The following GPR39 variants were observed in gnomAD, a reference collection of about 807,000 sequenced individuals.
GPR39 encodes G protein-coupled receptor 39.
In GPR39, 23 loss-of-function variants were observed where a neutral mutation model predicts 18.4. The observed-to-expected ratio is 1.25, with a 90% CI of 0.90 to 1.77. The LOEUF is 1.77. Among genes scored for constraint, GPR39 ranks in the 40% most tolerant of loss-of-function variants. The pLI is 0.00. For synonymous variants in GPR39, 280 were observed against 257.9 expected, an observed-to-expected ratio of 1.09 and a Z score of -0.82; for missense variants, 647 against 602.4, an observed-to-expected ratio of 1.07 and a Z score of -0.78.
chr2:132,565,985 C>A (rs1680343717), intron 1 of GPR39, among the ~76,000 whole-genome samples: 1 of 108,180 alleles, frequency 9.2e-6, no homozygotes, highest in Non-Finnish European at 1.8e-5. Context: ...CACTGACTTC[C>A]ACAATGGTTG....
At chr2:132,544,564 C>G (rs145452665) in intron 1 of GPR39, among the ~76,000 whole-genome samples, 73 of 152,376 alleles carry the variant, frequency 4.8e-4, no homozygotes, top group African/African-American at 1.7e-3. Flanking sequence ...AGGCTTGCTG[C>G]AGGAGGTACT....
chr2:132,521,372 T>C (rs1004792996), intron 1 of GPR39, among the ~76,000 whole-genome samples: 2 of 152,206 alleles, frequency 1.3e-5, no homozygotes, highest in African/African-American at 4.8e-5. Context: ...GAATTTATTT[T>C]TTTCCTGGCA....
At chr2:132,451,174 T>TGTGTGTGTGTGCGC (rs3219552) in intron 1 of GPR39, among the ~76,000 whole-genome samples, 42 of 150,464 alleles carry the variant, frequency 2.8e-4, no homozygotes, top group Admixed American at 7.9e-4. Flanking sequence ...TGTGTGTGTG[T>TGTGTGTGTGTGCGC]GCACGCGCGT....
Position 132,416,977 on chromosome 2 carries a change from A to G in GPR39, c.-66A>G. 8.4e-6 allele frequency: 13 copies of G among 1,553,884 alleles called. No homozygotes were observed. Among genetic ancestry groups the G allele is most frequent in the Non-Finnish European group, 1.1e-5 (13 of 1,150,300 alleles). ...GTGAGTTTGCAGCCAAGAATTTTGG[A>G]CGCTGCTGGGAGGAGAAAGGGAAGT... On this transcript the variant is annotated 5_prime_UTR_variant, in exon 1 of 2. Transcript: ENST00000329321.
intron 1 of GPR39, among the ~76,000 whole-genome samples, chr2:132,509,711 A>C (rs1679205734): frequency 6.6e-6 from 1 of 152,208 alleles, no homozygotes; most frequent in South Asian, 2.1e-4. Context: ...AAGGTCTCAA[A>C]GAGACAAAAG....
intron 1 of GPR39, among the ~76,000 whole-genome samples, chr2:132,501,993 A>C (rs1389844996): frequency 6.6e-6 from 1 of 152,166 alleles, no homozygotes; most frequent in Non-Finnish European, 1.5e-5. Context: ...AATCTCCTGA[A>C]GACAGCAGAA....
At chr2:132,602,656 C>A (rs1573692266) in intron 1 of GPR39, among the ~76,000 whole-genome samples, 1 of 151,720 alleles carries the variant, frequency 6.6e-6, no homozygotes, top group African/African-American at 2.4e-5. Flanking sequence ...AGACTAATAT[C>A]CAGAATCTAC....
At chr2:132,483,830 A>T (rs1214906587) in intron 1 of GPR39, among the ~76,000 whole-genome samples, 2 of 150,450 alleles carry the variant, frequency 1.3e-5, no homozygotes, top group Non-Finnish European at 2.9e-5. Flanking sequence ...GGTCCTACTA[A>T]AAAAAAATGA....
At chr2:132,585,320 T>C (rs149655976) in intron 1 of GPR39, among the ~76,000 whole-genome samples, 28 of 152,224 alleles carry the variant, frequency 1.8e-4, no homozygotes, top group Middle Eastern at 3.4e-3. Flanking sequence ...CCTAAACCCC[T>C]ATTCTAGCTT....
At chr2:132,459,220 G>T (rs1680789428) in intron 1 of GPR39, among the ~76,000 whole-genome samples, 1 of 151,522 alleles carries the variant, frequency 6.6e-6, no homozygotes, top group African/African-American at 2.4e-5. Context: ...ATTTGTGTTT[G>T]TGTCTCTTGT....
intron 1 of GPR39, among the ~76,000 whole-genome samples, chr2:132,448,331 C>G (rs1025359789): frequency 3.3e-5 from 5 of 152,080 alleles, no homozygotes; most frequent in African/African-American, 1.2e-4. Flanking sequence ...ACTTGCTAGC[C>G]AAGCAGGAAG....
At chr2:132,493,310 A>G (rs1275057461) in intron 1 of GPR39, among the ~76,000 whole-genome samples, 3 of 146,376 alleles carry the variant, frequency 2.0e-5, no homozygotes, top group Admixed American at 1.4e-4. Context: ...CCATATATAT[A>G]CCATATATAT....
intron 1 of GPR39, among the ~76,000 whole-genome samples, chr2:132,574,983 T>A (rs1217708144): frequency 1.3e-5 from 2 of 152,232 alleles, no homozygotes; most frequent in Non-Finnish European, 2.9e-5. Flanking sequence ...CCAATTTTTG[T>A]GTATATAGTC....
intron 1 of GPR39, among the ~76,000 whole-genome samples, chr2:132,436,584 T>C (rs3762466): frequency 0.4 from 60,274 of 152,066 alleles, 12,947 homozygotes; most frequent in African/African-American, 0.58. Flanking sequence ...GTCTGTGAGG[T>C]GCTCTCAGCA....
intron 1 of GPR39, among the ~76,000 whole-genome samples, chr2:132,491,806 C>T (rs1316912050): frequency 1.3e-5 from 2 of 151,950 alleles, no homozygotes; most frequent in East Asian, 3.9e-4. Context: ...TGCTGTGTGA[C>T]CTCAGGCAAG....
intron 1 of GPR39, among the ~76,000 whole-genome samples, chr2:132,474,688 G>C (rs1467333545): frequency 6.6e-6 from 1 of 152,220 alleles, no homozygotes; most frequent in Non-Finnish European, 1.5e-5. Context: ...AGGCAGCCCA[G>C]TTGCTACTCC....
chr2:132,643,852 A>T (rs1372566986), intron 1 of GPR39, among the ~76,000 whole-genome samples: 1 of 152,236 alleles, frequency 6.6e-6, no homozygotes, highest in African/African-American at 2.4e-5. Context: ...ACCATGGGTC[A>T]TAGGCAGGAA....
intron 1 of GPR39, among the ~76,000 whole-genome samples, chr2:132,562,474 C>T (rs1680271316): frequency 1.3e-5 from 2 of 152,152 alleles, no homozygotes; most frequent in African/African-American, 4.8e-5. Flanking sequence ...TGATTCACCT[C>T]TCAGGATTTC....
chr2:132,496,881 G>C, intron 1 of GPR39, among the ~76,000 whole-genome samples: 1 of 152,112 alleles, frequency 6.6e-6, no homozygotes, highest in Non-Finnish European at 1.5e-5. Context: ...AGTGGTACCC[G>C]GGCTTCTAGG....
Sources: gnomAD v4.1 joint callset for allele counts (sites outside exome capture counted in the v4.1 genomes callset) on GRCh38, gnomAD v4.1.1 for gene constraint, MANE v1.5 for transcripts, NCBI Gene and HGNC (gene_info 2026-07-23, HGNC 2026-07-21) for gene names.